Variants in LBX2 observed in about 807,000 individuals in gnomAD.
The protein encoded by LBX2 is transcription factor LBX2.
In LBX2, 6 loss-of-function variants were observed where a neutral mutation model predicts 7.5. That is an observed-to-expected ratio of 0.80 (90% CI 0.44 to 1.59). LBX2 has a LOEUF of 1.59. Among genes scored for constraint, LBX2 ranks in the 40% most tolerant of loss-of-function variants. LBX2 has a pLI of 0.01. For synonymous variants in LBX2, 143 were observed against 133.2 expected, an observed-to-expected ratio of 1.07 and a Z score of -0.51; for missense variants, 281 against 282.0, an observed-to-expected ratio of 1.00 and a Z score of 0.03.
At chr2:74,499,735 G>A (rs1674445853), upstream of LBX2, 18 of 615,698 alleles carry the variant, frequency 2.9e-5, 1 homozygote, top group South Asian at 3.6e-4. The surrounding 1 kb of genome is among the most constrained non-coding windows in gnomAD (Gnocchi z 4.6). Context: ...CTAGATGTCC[G>A]GGGAGGGTAT....
rs756748467 is a variant in LBX2 at position 74,499,437 on chromosome 2, A to G, written c.101T>C (p.Leu34Pro). Reference protein sequence around the residue: ...MVPRAPSAPQLPESGPGPTSP... With the variant: ...MVPRAPSAPQPPESGPGPTSP... The stretch of plus-strand genomic sequence containing the variant: ...CGTTGGACCCGGACCCGACTCTGGA[A>G]GCTGCGGCGCAGAGGGTGCTCGGGG... The change falls in exon 1 of 2, where the codon CTT becomes CCT. Residue 34 changes from leucine (L) to proline (P), a missense_variant. This residue lies in a region of LBX2 where 216 missense variants were observed against 208.7 expected (regional missense o/e 1.03). Transcript: ENST00000377566. The surrounding 1 kb of genome is among the most constrained non-coding windows in gnomAD (Gnocchi z 4.6). 2 of 1,550,580 alleles carry G rather than the reference A, an allele frequency of 1.3e-6. No homozygotes were observed. The highest frequency in any genetic ancestry group is 2.4e-5 in the South Asian group (2 of 84,062).
In LBX2 at chr2:74,498,205, G is replaced by A. The variant is rs1254530308; in HGVS notation, c.319C>T (p.Gln107Ter). 1 of 1,611,346 alleles carries A rather than the reference G, an allele frequency of 6.2e-7. No individual in the cohort carries two copies. Among genetic ancestry groups the A allele is most frequent in the Admixed American group, 1.7e-5 (1 of 59,994 alleles). Reference protein sequence around the residue: ...VLELERRFVFQKYLAPSERDG... With the variant: ...VLELERRFVF Reference sequence around the variant, plus strand: ...CGCTCGGACGGCGCCAGGTACTTCTGGAAGACGAAGCGCCGCTCCAGCTCC... The same window carrying A: ...CGCTCGGACGGCGCCAGGTACTTCTAGAAGACGAAGCGCCGCTCCAGCTCC... The change falls in exon 2 of 2, where the codon CAG (glutamine) becomes TAG (stop). Residue 107 changes from glutamine to a stop codon, truncating the protein, a stop_gained. Coordinates refer to ENST00000377566, the MANE Select transcript of LBX2 (RefSeq NM_001282430.2). LOFTEE classifies it low-confidence loss of function (END_TRUNC).
In LBX2 at chr2:74,498,196, G is replaced by T; in HGVS notation, c.328C>A (p.Leu110Met). 1 of 1,612,044 alleles carries T rather than the reference G, an allele frequency of 6.2e-7. No homozygotes were observed. The highest frequency in any genetic ancestry group is 8.5e-7 in the Non-Finnish European group (1 of 1,179,582). Reference sequence around the variant, plus strand: ...AGCCCGTCTCGCTCGGACGGCGCCAGGTACTTCTGGAAGACGAAGCGCCGC... The same window carrying T: ...AGCCCGTCTCGCTCGGACGGCGCCATGTACTTCTGGAAGACGAAGCGCCGC... ...LERRFVFQKY[L>M]APSERDGLAT... The change falls in exon 2 of 2, where the codon CTG (leucine) becomes ATG (methionine). Residue 110 changes from leucine to methionine, a missense_variant. Physicochemically the swap from Leu to Met is conservative, Grantham distance 15. Coordinates refer to ENST00000377566, the MANE Select transcript of LBX2 (RefSeq NM_001282430.2).
upstream of LBX2, chr2:74,501,966 C>T (rs1674493852): frequency 6.6e-6 from 1 of 152,058 alleles, no homozygotes; most frequent in African/African-American, 2.4e-5. Flanking sequence ...AGAACCCTCC[C>T]TGTTCACGAT....
At position 74,497,712 on chromosome 2, in the gene LBX2, C is replaced by T; in HGVS notation, c.*215G>A. ...GGTCGCGACTGCAGTGAGCGGTGAT[C>T]GCTCCACGGCACTCCAGCCTGGGCG... On this transcript the variant is annotated 3_prime_UTR_variant, in exon 2 of 2. Transcript: ENST00000377566. The T allele has an allele frequency of 1.9e-6, 1 of 517,668 alleles. No homozygotes were observed. Among genetic ancestry groups the T allele is most frequent in the Non-Finnish European group, 3.3e-6 (1 of 305,284 alleles). The allele number at this position is 517,668 out of a possible 1,614,324, so 32.1% of individuals were successfully genotyped here. A position where few individuals can be genotyped will look rare whatever the true frequency, so the allele number is the denominator to read the frequency against.
upstream of LBX2, chr2:74,502,292 G>A (rs561886811): frequency 4.3e-6 from 1 of 232,952 alleles, no homozygotes; most frequent in Non-Finnish European, 8.3e-6. The surrounding 1 kb of genome is among the most constrained non-coding windows in gnomAD (Gnocchi z 5.4). Flanking sequence ...CCTCCACCCC[G>A]GGCCGCCCCC....
At position 74,497,741 on chromosome 2, in the gene LBX2, G is replaced by A; in HGVS notation, c.*186C>T. The A allele has an allele frequency of 3.1e-6, 2 of 648,202 alleles. No homozygotes were observed. The highest frequency in any genetic ancestry group is 2.5e-6 in the Non-Finnish European group (1 of 399,892). 40.2% of individuals were successfully genotyped at this position (648,202 alleles called of 1,614,324 possible). A position where few individuals can be genotyped will look rare whatever the true frequency, so the allele number is the denominator to read the frequency against. On this transcript the variant is annotated 3_prime_UTR_variant, in exon 2 of 2. Transcript: ENST00000377566. ...CCACGGCACTCCAGCCTGGGCGACAGAGCGAGGCCCTGTCTCAGACAACAA... is the reference window on the plus strand; with the variant it reads ...CCACGGCACTCCAGCCTGGGCGACAAAGCGAGGCCCTGTCTCAGACAACAA...
upstream of LBX2, chr2:74,503,065 G>A: frequency 1.9e-6 from 1 of 534,056 alleles, no homozygotes; most frequent in Admixed American, 3.7e-5. The surrounding 1 kb of genome is among the most constrained non-coding windows in gnomAD (Gnocchi z 5.1). Flanking sequence ...GCGTCCGGGG[G>A]TGCAGACGGC....
Position 74,498,242 on chromosome 2 carries a change from C to T in LBX2, c.282G>A (p.Ala94=), listed in dbSNP as rs1372464702. The change falls in exon 2 of 2, where the codon GCG becomes GCA. Residue 94 remains alanine (A), a synonymous_variant. Coordinates refer to ENST00000377566, the MANE Select transcript of LBX2 (RefSeq NM_001282430.2). The stretch of plus-strand genomic sequence containing the variant: ...GCCGCTCCAGCTCCAGCACCTGTTG[C>T]GCGGTGAACGCAGTGCGTGACTTGC... ...KRRKSRTAFT[A]QQVLELERRF... 1.2e-6 allele frequency: 2 copies of T among 1,603,740 alleles called. No individual in the cohort carries two copies. The highest frequency in any genetic ancestry group is 1.7e-6 in the Non-Finnish European group (2 of 1,177,962).
Position 74,498,109 on chromosome 2 carries a change from T to G in LBX2, c.415A>C (p.Lys139Gln). ...ATCTCCTCCACATCGCGCTTGAGCTTGGCTCGCCGGTTCTGGAACCAAGTG... is the reference window on the plus strand; with the variant it reads ...ATCTCCTCCACATCGCGCTTGAGCTGGGCTCGCCGGTTCTGGAACCAAGTG... ...VVTWFQNRRAKLKRDVEEMRA... is the reference protein window; with the variant it reads ...VVTWFQNRRAQLKRDVEEMRA... Residue 139 changes from lysine (K) to glutamine (Q), a missense_variant, in exon 2 of 2, where the codon AAG (lysine) becomes CAG (glutamine). Around this residue, in one of 3 missense-constraint regions of LBX2, gnomAD observed 216 missense variants for 208.7 expected, o/e 1.03. Coordinates refer to ENST00000377566, the MANE Select transcript of LBX2 (RefSeq NM_001282430.2). The G allele has an allele frequency of 6.2e-7, 1 of 1,613,062 alleles. No individual in the cohort carries two copies. Among genetic ancestry groups the G allele is most frequent in the Non-Finnish European group, 8.5e-7 (1 of 1,179,680 alleles).
chr2:74,502,375 C>T (rs1343886011), upstream of LBX2: 3 of 448,676 alleles, frequency 6.7e-6, no homozygotes, highest in Admixed American at 4.1e-5. The surrounding 1 kb of genome is among the most constrained non-coding windows in gnomAD (Gnocchi z 5.4). Context: ...ATTGCCGGCC[C>T]GGACATTCCA....
In LBX2 at chr2:74,497,892, G is replaced by T. The variant is rs1227511515; in HGVS notation, c.*35C>A. On this transcript the variant is annotated 3_prime_UTR_variant, in exon 2 of 2. Coordinates refer to ENST00000377566, the MANE Select transcript of LBX2 (RefSeq NM_001282430.2). ...GCAGAGCGCGAGGTGAGGAGTCCAGGGCCCCAGAGCCCAGGATTGGCGGCG... is the reference window on the plus strand; with the variant it reads ...GCAGAGCGCGAGGTGAGGAGTCCAGTGCCCCAGAGCCCAGGATTGGCGGCG... 1 of 1,506,460 alleles carries T rather than the reference G, an allele frequency of 6.6e-7. No individual in the cohort carries two copies. The highest frequency in any genetic ancestry group is 8.9e-7 in the Non-Finnish European group (1 of 1,127,534). The allele number at this position is 1,506,460 out of a possible 1,614,324, so 93.3% of individuals were successfully genotyped here. A position where few individuals can be genotyped will look rare whatever the true frequency, so the allele number is the denominator to read the frequency against.
chr2:74,502,782 G>A (rs1674523434), upstream of LBX2: 2 of 1,613,902 alleles, frequency 1.2e-6, no homozygotes, highest in African/African-American at 2.7e-5. The surrounding 1 kb of genome is among the most constrained non-coding windows in gnomAD (Gnocchi z 5.4). Context: ...CCAGCGGTGG[G>A]AAACTCCGAC....
In LBX2 at chr2:74,499,473, G is replaced by C; in HGVS notation, c.65C>G (p.Pro22Arg). ...TLLSIADILA[P>R]RMVPRAPSAP... Reference sequence around the variant, plus strand: ...AGAGGGTGCTCGGGGGACCATGCGCGGGGCTAGGATGTCTGCGATGCTTAA... The same window carrying C: ...AGAGGGTGCTCGGGGGACCATGCGCCGGGCTAGGATGTCTGCGATGCTTAA... The change falls in exon 1 of 2, where the codon CCG becomes CGG. Residue 22 changes from proline to arginine, a missense_variant. Physicochemically the swap from Pro to Arg is moderately radical, Grantham distance 103 (BLOSUM62 -2). Transcript: ENST00000377566. The surrounding 1 kb of genome is among the most constrained non-coding windows in gnomAD (Gnocchi z 4.6). 6.4e-7 allele frequency: 1 copy of C among 1,550,534 alleles called. No homozygotes were observed. The highest frequency in any genetic ancestry group is 8.7e-7 in the Non-Finnish European group (1 of 1,146,958).
upstream of LBX2, chr2:74,502,833 C>T: frequency 6.2e-7 from 1 of 1,612,612 alleles, no homozygotes; most frequent in South Asian, 1.1e-5. The surrounding 1 kb of genome is among the most constrained non-coding windows in gnomAD (Gnocchi z 5.4). Context: ...CCCCAAGACT[C>T]ACTTCTAGGG....
In LBX2 at chr2:74,497,887, T is replaced by C; in HGVS notation, c.*40A>G. The stretch of plus-strand genomic sequence containing the variant: ...CAGAGGCAGAGCGCGAGGTGAGGAG[T>C]CCAGGGCCCCAGAGCCCAGGATTGG... On this transcript the variant is annotated 3_prime_UTR_variant, in exon 2 of 2. Transcript: ENST00000377566. 1.3e-6 allele frequency: 2 copies of C among 1,499,944 alleles called. No individual in the cohort carries two copies. The highest frequency in any genetic ancestry group is 1.8e-6 in the Non-Finnish European group (2 of 1,124,542). 92.9% of individuals were successfully genotyped at this position (1,499,944 alleles called of 1,614,324 possible). A position where few individuals can be genotyped will look rare whatever the true frequency, so the allele number is the denominator to read the frequency against.
chr2:74,498,715 G>A (rs1217908038), intron 1 of LBX2: 1 of 236,486 alleles, frequency 4.2e-6, no homozygotes, highest in South Asian at 1.0e-4. Context: ...ACCCAGCGTG[G>A]TGGTGGTAAC....
Position 74,498,099 on chromosome 2 carries a change from C to A in LBX2, c.425G>T (p.Arg142Leu). Residue 142 changes from arginine to leucine, a missense_variant, in exon 2 of 2, where the codon CGC becomes CTC. By Grantham distance (102) the Arg-to-Leu change is moderately radical. Coordinates refer to ENST00000377566, the MANE Select transcript of LBX2 (RefSeq NM_001282430.2). ...WFQNRRAKLK[R>L]DVEEMRADVA... ...GTCGGCGCGCATCTCCTCCACATCGCGCTTGAGCTTGGCTCGCCGGTTCTG... is the reference window on the plus strand; with the variant it reads ...GTCGGCGCGCATCTCCTCCACATCGAGCTTGAGCTTGGCTCGCCGGTTCTG... The A allele has an allele frequency of 6.2e-7, 1 of 1,613,176 alleles. No individual in the cohort carries two copies. The highest frequency in any genetic ancestry group is 8.5e-7 in the Non-Finnish European group (1 of 1,179,712).
upstream of LBX2, chr2:74,502,688 AGT>A: frequency 6.2e-7 from 1 of 1,613,932 alleles, no homozygotes; most frequent in Non-Finnish European, 8.5e-7. This position sits in a 1 kb window ranked among gnomAD's most constrained non-coding sequence, Gnocchi z 5.4. Context: ...CAGGCCTGTG[AGT>A]TGTTTTCCGC....
Sources: allele counts gnomAD v4.1 joint callset, GRCh38; gene constraint gnomAD v4.1.1; regional missense constraint gnomAD v4.1.1; non-coding constraint Gnocchi (gnomAD v3.1); transcripts MANE v1.5; gene names NCBI Gene and HGNC (gene_info 2026-07-23, HGNC 2026-07-21).